RIMKLA: variants seen among roughly 807,000 people sequenced by gnomAD.
The protein encoded by RIMKLA is N-acetylaspartylglutamate synthase A.
A neutral mutation model predicts 32.7 loss-of-function variants in RIMKLA; 14 were observed. The observed-to-expected ratio is 0.43, with a 90% CI of 0.28 to 0.67. The LOEUF (loss-of-function observed/expected upper bound fraction) is 0.67, where lower values mean the gene tolerates loss of function less well. Among genes scored for constraint, RIMKLA ranks in the 30% least tolerant of loss-of-function variants. The pLI is 0.18. For missense variants in RIMKLA, 410 were observed against 519.0 expected (o/e 0.79, Z 2.04); for synonymous variants, 176 against 204.1 (o/e 0.86, Z 1.18).
intron 1 of RIMKLA, among the ~76,000 whole-genome samples, chr1:42,389,732 A>G (rs1235251531): frequency 6.8e-6 from 1 of 147,456 alleles, no homozygotes; most frequent in Admixed American, 6.8e-5. Context: ...GAGAATCGCT[A>G]GAACCTGGGA....
intron 2 of RIMKLA, among the ~76,000 whole-genome samples, chr1:42,403,231 C>T (rs1465084200): frequency 6.6e-6 from 1 of 152,114 alleles, no homozygotes; most frequent in Non-Finnish European, 1.5e-5. Context: ...TTGCATTGTC[C>T]TCTCTAAGCC....
At chr1:42,396,236 C>CAAAAAAAAAAAAAAAAAAAAAAAA (rs11363612) in intron 1 of RIMKLA, among the ~76,000 whole-genome samples, 1 of 60,902 alleles carries the variant, frequency 1.6e-5, no homozygotes, top group Non-Finnish European at 2.7e-5. Flanking sequence ...AACTCCATCT[C>CAAAAAAAAAAAAAAAAAAAAAAAA]AAAAAAAAAA....
chr1:42,406,266 A>G lies in RIMKLA; in HGVS notation c.481+1669A>G, dbSNP rs569761165. 3.3e-5 allele frequency among the ~76,000 whole-genome samples: 5 copies of G among 152,358 alleles called. No individual in the cohort carries two copies. In the East Asian group the frequency reaches 9.6e-4, roughly 29 times the overall value. ...TTTAACAGTGCAAAGCGTAAAATTC[A>G]CTGGATTTTAGTGTACTCACTGTGT... On this transcript the variant is annotated intron_variant, in intron 3 of 4. Coordinates refer to ENST00000431473, the MANE Select transcript of RIMKLA (RefSeq NM_173642.4).
At chr1:42,405,334 T>C (rs1889697) in intron 3 of RIMKLA, among the ~76,000 whole-genome samples, 26,972 of 152,252 alleles carry the variant, frequency 0.18, 2,496 homozygotes, top group East Asian at 0.22. Context: ...ATGCCTCCTT[T>C]CTTTACTAGA....
At chr1:42,413,521 A>G (rs527281989) in intron 4 of RIMKLA, among the ~76,000 whole-genome samples, 40 of 151,272 alleles carry the variant, frequency 2.6e-4, no homozygotes, top group Admixed American at 7.9e-4. Flanking sequence ...AAAAAAAAAA[A>G]AAAGAAAGAA....
chr1:42,386,896 T>TAAAG (rs1306554749), intron 1 of RIMKLA, among the ~76,000 whole-genome samples: 1 of 143,202 alleles, frequency 7.0e-6, no homozygotes, highest in Non-Finnish European at 1.5e-5. Flanking sequence ...AATAAATAAA[T>TAAAG]AAATAAATAA....
intron 1 of RIMKLA, among the ~76,000 whole-genome samples, chr1:42,385,327 C>T (rs1642926726): frequency 6.6e-6 from 1 of 152,128 alleles, no homozygotes; most frequent in African/African-American, 2.4e-5. Context: ...TGCCCACCCA[C>T]AGGTCTGTAT....
chr1:42,386,123 A>G (rs1046862270), intron 1 of RIMKLA, among the ~76,000 whole-genome samples: 3 of 151,734 alleles, frequency 2.0e-5, no homozygotes, highest in Non-Finnish European at 4.4e-5. Flanking sequence ...GGGTTTCACC[A>G]TGTTGGCCAG....
At chr1:42,404,645 C>A in intron 3 of RIMKLA, 48 bp downstream of exon 3, 1 of 1,208,294 alleles carries the variant, frequency 8.3e-7, no homozygotes, top group Non-Finnish European at 1.2e-6. Context: ...CCCACTAGGG[C>A]TGCTGCTCTG....
chr1:42,414,951 G>A lies in RIMKLA; in HGVS notation c.1153G>A (p.Ala385Thr), dbSNP rs1165194640. The change falls in exon 5 of 5, where the codon GCT becomes ACT. Residue 385 changes from alanine to threonine, a missense_variant. Coordinates refer to ENST00000431473, the MANE Select transcript of RIMKLA (RefSeq NM_173642.4). ...EPGYNINNRIASELKLK is the reference protein window; with the variant it reads ...EPGYNINNRITSELKLK ...TGGCTACAACATTAACAACAGGATT[G>A]CTTCTGAGTTAAAACTTAAGTGAAT... is the stretch of plus-strand genomic sequence containing the variant. 1 of 1,610,080 alleles carries A rather than the reference G, an allele frequency of 6.2e-7. No individual in the cohort carries two copies.
intron 2 of RIMKLA, 54 bp from the exon 3 acceptor site, chr1:42,404,457 A>G: frequency 1.6e-6 from 2 of 1,215,638 alleles, no homozygotes; most frequent in South Asian, 2.4e-5. Flanking sequence ...GGCTGGGGTG[A>G]CCGCTACCTG....
intron 1 of RIMKLA, among the ~76,000 whole-genome samples, chr1:42,394,527 G>T (rs997051661): frequency 2.6e-5 from 4 of 152,086 alleles, no homozygotes; most frequent in Admixed American, 6.5e-5. Flanking sequence ...CGCAATAGAG[G>T]CTCAATAAAA....
chr1:42,413,204 A>G (rs1036163114), intron 4 of RIMKLA, among the ~76,000 whole-genome samples: 2 of 108,036 alleles, frequency 1.9e-5, no homozygotes, highest in South Asian at 2.5e-4. Flanking sequence ...CTCAGTGTAG[A>G]AAATTCGGAA....
intron 1 of RIMKLA, among the ~76,000 whole-genome samples, chr1:42,382,438 G>A (rs544787421): frequency 7.1e-4 from 108 of 152,150 alleles, no homozygotes; most frequent in African/African-American, 2.4e-3. Flanking sequence ...TTTGAATCTC[G>A]GGATTCTTAT....
At chr1:42,406,891 G>T (rs1321073666) in intron 3 of RIMKLA, among the ~76,000 whole-genome samples, 3 of 150,260 alleles carry the variant, frequency 2.0e-5, no homozygotes, top group African/African-American at 4.9e-5. Flanking sequence ...TCTTTTTATT[G>T]TCGAGTTTGA....
chr1:42,394,778 C>G (rs1272279722), intron 1 of RIMKLA, among the ~76,000 whole-genome samples: 1 of 151,896 alleles, frequency 6.6e-6, no homozygotes, highest in African/African-American at 2.4e-5. Flanking sequence ...CTCTTGTTGC[C>G]CAGGCTGGAG....
In RIMKLA at chr1:42,419,152, T is replaced by G. The variant is rs1643275724; in HGVS notation, c.*4178T>G. The stretch of plus-strand genomic sequence containing the variant: ...TAATGTTATAATCTTTTCCTAAAAC[T>G]AAATCATGCCTCCATTCCAGGTCTA... On this transcript the variant is annotated 3_prime_UTR_variant, in exon 5 of 5. Coordinates refer to ENST00000431473, the MANE Select transcript of RIMKLA (RefSeq NM_173642.4). 6.6e-6 allele frequency: 1 copy of G among 152,240 alleles called. No individual in the cohort carries two copies. The highest frequency in any genetic ancestry group is 2.4e-5 in the African/African-American group (1 of 41,470). 9.4% of individuals were successfully genotyped at this position (152,240 alleles called of 1,614,324 possible). A position where few individuals can be genotyped will look rare whatever the true frequency, so the allele number is the denominator to read the frequency against.
In RIMKLA at chr1:42,421,972, C is replaced by T. The variant is rs1643298958; in HGVS notation, c.*6998C>T. 1 of 152,164 alleles carries T rather than the reference C, an allele frequency of 6.6e-6. No individual in the cohort carries two copies. The highest frequency in any genetic ancestry group is 1.5e-5 in the Non-Finnish European group (1 of 68,038). The allele number at this position is 152,164 out of a possible 1,614,324, so 9.4% of individuals were successfully genotyped here. On this transcript the variant is annotated 3_prime_UTR_variant, in exon 5 of 5. Coordinates refer to ENST00000431473, the MANE Select transcript of RIMKLA (RefSeq NM_173642.4). The surrounding 1 kb of genome is among the most constrained non-coding windows in gnomAD (Gnocchi z 4.6). ...TCCCAACCTGAACATTCAGTGACAT[C>T]ACATCAGTAGCTGGGGAATCGGCCC...
rs1643304188 is a variant in RIMKLA, at chr1:42,422,579, C to T, written c.*7605C>T. On this transcript the variant is annotated 3_prime_UTR_variant, in exon 5 of 5. Transcript: ENST00000431473. ...TTTTATTAAAATTATTACTATGGAA[C>T]AGAATGCTTTGTTTGCCTTTGTCTC... 6.6e-6 allele frequency: 1 copy of T among 152,188 alleles called. No individual in the cohort carries two copies. Among genetic ancestry groups the T allele is most frequent in the Non-Finnish European group, 1.5e-5 (1 of 68,032 alleles). The allele number at this position is 152,188 out of a possible 1,614,324, so 9.4% of individuals were successfully genotyped here.
Sources: gnomAD v4.1 joint callset for allele counts (sites outside exome capture counted in the v4.1 genomes callset) on GRCh38, gnomAD v4.1.1 for gene constraint, Gnocchi (gnomAD v3.1) non-coding constraint, MANE v1.5 for transcripts, NCBI Gene and HGNC (gene_info 2026-07-23, HGNC 2026-07-21) for gene names.